The following MEGF10 variants were observed in gnomAD, a reference collection of about 807,000 sequenced individuals.
MEGF10 encodes the protein multiple EGF like domains 10.
Under a neutral mutation model 147.5 loss-of-function variants are expected in MEGF10, and 86 were observed. That is an observed-to-expected ratio of 0.58 (90% CI 0.49 to 0.70). The LOEUF (loss-of-function observed/expected upper bound fraction) is 0.70. Among genes scored for constraint, MEGF10 ranks in the 30% least tolerant of loss-of-function variants. The probability of loss-of-function intolerance (pLI) is 0.00; values close to 1 mark genes in which losing one functional copy is unlikely to be tolerated. For synonymous variants in MEGF10, 478 were observed against 525.5 expected (o/e 0.91, Z 1.24); for missense variants, 1,329 against 1,487.3 (o/e 0.89, Z 1.75).
At chr5:127,281,455 G>A in the MEGF10 span, among the ~76,000 whole-genome samples, 2 of 152,170 alleles carry the variant, frequency 1.3e-5, no homozygotes, top group African/African-American at 4.8e-5. Flanking sequence ...GGTTTAAAAA[G>A]TTAAGTTTAT....
chr5:127,300,815 C>T (rs985287673), intron 1 of MEGF10, among the ~76,000 whole-genome samples: 3 of 152,074 alleles, frequency 2.0e-5, no homozygotes, highest in African/African-American at 7.3e-5. Flanking sequence ...GCATTAGCAC[C>T]ATCATAGGTG....
At chr5:127,438,747 G>A (rs1765648059) in intron 17 of MEGF10, among the ~76,000 whole-genome samples, 180 bp downstream of exon 17, 1 of 152,168 alleles carries the variant, frequency 6.6e-6, no homozygotes, top group South Asian at 2.1e-4. Flanking sequence ...TTCATTCCAA[G>A]TATTCTGTCT....
intron 1 of MEGF10, among the ~76,000 whole-genome samples, chr5:127,329,027 C>A (rs1761149127): frequency 6.6e-6 from 1 of 152,152 alleles, no homozygotes; most frequent in Non-Finnish European, 1.5e-5. Flanking sequence ...AGATAATTCA[C>A]ATAAATGGCT....
At chr5:127,241,433 T>A in the MEGF10 span, among the ~76,000 whole-genome samples, 1 of 152,140 alleles carries the variant, frequency 6.6e-6, no homozygotes, top group Non-Finnish European at 1.5e-5. Context: ...TTCATTGATA[T>A]AGGGTGAATT....
intron 13 of MEGF10, among the ~76,000 whole-genome samples, chr5:127,432,239 C>T (rs1363431473): frequency 6.6e-6 from 1 of 152,194 alleles, no homozygotes; most frequent in East Asian, 1.9e-4. Context: ...CTTGCTATTC[C>T]AGTGTTCACC....
At chr5:127,396,219 T>C (rs1423667539) in intron 5 of MEGF10, among the ~76,000 whole-genome samples, 1 of 152,202 alleles carries the variant, frequency 6.6e-6, no homozygotes, top group African/African-American at 2.4e-5. Flanking sequence ...GCTCTTCCCC[T>C]AGCCCACTTC....
rs2127056259 is a variant in MEGF10 at position 127,460,900 on chromosome 5, G to C, written c.*3582G>C. 6.6e-6 allele frequency: 1 copy of C among 152,218 alleles called. No individual in the cohort carries two copies. The highest frequency in any genetic ancestry group is 2.1e-4 in the South Asian group (1 of 4,826). The allele number at this position is 152,218 out of a possible 1,614,324, so 9.4% of individuals were successfully genotyped here. On this transcript the variant is annotated 3_prime_UTR_variant, in exon 25 of 25. Transcript: ENST00000503335. ...AATTACGTGGTATGGATGTTTGCTT[G>C]TTTATTAACTAAAGATGTACAGCAA...
At chr5:127,234,291 A>T in the MEGF10 span, among the ~76,000 whole-genome samples, 2 of 152,204 alleles carry the variant, frequency 1.3e-5, no homozygotes, top group Non-Finnish European at 2.9e-5. Context: ...TCATCCTTTG[A>T]CTTTCACTTG....
the MEGF10 span, among the ~76,000 whole-genome samples, chr5:127,267,645 T>A: frequency 6.6e-6 from 1 of 152,212 alleles, no homozygotes; most frequent in East Asian, 1.9e-4. Flanking sequence ...CCTGGTTTAA[T>A]CTTGGGAGGG....
intron 8 of MEGF10, among the ~76,000 whole-genome samples, chr5:127,409,133 T>C (rs767345577): frequency 6.6e-6 from 1 of 152,156 alleles, no homozygotes; most frequent in African/African-American, 2.4e-5. Flanking sequence ...CCCACCCTGG[T>C]ATTGTTACTT....
chr5:127,391,094 GCGCGCGCGCACACA>G (rs1195165102), intron 5 of MEGF10, among the ~76,000 whole-genome samples: 32 of 24,454 alleles, frequency 1.3e-3, no homozygotes, highest in Admixed American at 8.0e-3. Context: ...ACATGCGCGC[GCGCGCGCGCACACA>G]CACACACACA....
At chr5:127,433,627 AAG>A in intron 14 of MEGF10, 118 bp downstream of exon 14, 1 of 1,235,468 alleles carries the variant, frequency 8.1e-7, no homozygotes, top group South Asian at 1.5e-5. Context: ...TTGAAGGCAA[AAG>A]AGAGTGTAAT....
chr5:127,424,726 C>G (rs1765154772), intron 13 of MEGF10: 1 of 211,680 alleles, frequency 4.7e-6, no homozygotes, highest in African/African-American at 2.3e-5. Flanking sequence ...CCCTGTAGTT[C>G]CATCTTGACT....
intron 6 of MEGF10, 56 bp from the exon 7 acceptor site, chr5:127,398,620 C>G: frequency 6.2e-7 from 1 of 1,608,312 alleles, no homozygotes; most frequent in Non-Finnish European, 8.5e-7. Flanking sequence ...ACAGTGAACC[C>G]GAGGGTCATG....
intron 1 of MEGF10, among the ~76,000 whole-genome samples, chr5:127,313,713 T>C (rs115859035): frequency 0.015 from 2,260 of 152,296 alleles, 60 homozygotes; most frequent in African/African-American, 0.051. Context: ...GACTCAGATT[T>C]TGCCACATTA....
chr5:127,396,432 G>A, intron 5 of MEGF10, 100 bp from the exon 6 acceptor site: 1 of 1,355,538 alleles, frequency 7.4e-7, no homozygotes, highest in African/African-American at 1.5e-5. Flanking sequence ...TCCAGCTAAT[G>A]AATGGCCATG....
intron 1 of MEGF10, among the ~76,000 whole-genome samples, chr5:127,304,660 ATTTT>A (rs904701386): frequency 1.3e-5 from 2 of 151,986 alleles, no homozygotes; most frequent in Non-Finnish European, 2.9e-5. Flanking sequence ...TGCCCTGCTA[ATTTT>A]TGTATTTTTT....
At chr5:127,336,298 T>C (rs932515702) in intron 2 of MEGF10, among the ~76,000 whole-genome samples, 7 of 151,978 alleles carry the variant, frequency 4.6e-5, no homozygotes, top group Admixed American at 3.3e-4. Flanking sequence ...CCAAGCTATA[T>C]ATATTTCTCC....
chr5:127,404,161 T>C (rs1480939487), intron 8 of MEGF10, among the ~76,000 whole-genome samples: 1 of 151,902 alleles, frequency 6.6e-6, no homozygotes, highest in Non-Finnish European at 1.5e-5. Flanking sequence ...TTATATCTCA[T>C]TGCATATATA....
Sources: gnomAD v4.1 joint callset for allele counts (sites outside exome capture counted in the v4.1 genomes callset) on GRCh38, gnomAD v4.1.1 for gene constraint, MANE v1.5 for transcripts, NCBI Gene and HGNC (gene_info 2026-07-23, HGNC 2026-07-21) for gene names.